ZNF257: variants seen among roughly 807,000 people sequenced by gnomAD.
ZNF257 encodes the protein bone marrow zinc finger 4.
Under a neutral mutation model 11.9 loss-of-function variants are expected in ZNF257, and 12 were observed. The ratio of observed to expected loss-of-function variants is 1.01; its 90% CI spans 0.65 to 1.63. The LOEUF (loss-of-function observed/expected upper bound fraction) is 1.63. ZNF257 is among the 40% of genes most tolerant of loss of function. The pLI is 0.00. For synonymous variants in ZNF257, 183 were observed against 222.7 expected (o/e 0.82, Z 1.59); for missense variants, 580 against 665.5 (o/e 0.87, Z 1.41).
intron 3 of ZNF257, among the ~76,000 whole-genome samples, chr19:22,085,097 G>A (rs1030084599): frequency 6.6e-6 from 1 of 151,800 alleles, no homozygotes; most frequent in Admixed American, 6.6e-5. Flanking sequence ...TCTGTTGCCA[G>A]GCTGGAGTTC....
Position 22,088,110 on chromosome 19 carries a change from G to T in ZNF257, c.360G>T (p.Val120=), listed in dbSNP as rs796494259. The change falls in exon 4 of 4, where the codon GTG becomes GTT. Residue 120 remains valine, a synonymous_variant. Coordinates refer to ENST00000594947, the MANE Select transcript of ZNF257 (RefSeq NM_033468.4). ...AATTAAGAAAGGGCTGTAAAAGTGT[G>T]GATGAGTGTAAGGTGTGCAAAGGAG... ...NLQLRKGCKS[V]DECKVCKGGY... 1.3e-6 allele frequency: 2 copies of T among 1,533,930 alleles called. No homozygotes were observed. The highest frequency in any genetic ancestry group is 2.4e-5 in the East Asian group (1 of 42,296).
intron 3 of ZNF257, among the ~76,000 whole-genome samples, chr19:22,086,996 TCCA>T (rs1179494125): frequency 6.6e-6 from 1 of 151,992 alleles, no homozygotes; most frequent in Non-Finnish European, 1.5e-5. Context: ...ATTATTTACC[TCCA>T]CAATTACTGT....
In ZNF257 at chr19:22,088,774, A is replaced by T. The variant is rs202088300; in HGVS notation, c.1024A>T (p.Lys342Ter). Residue 342 changes from lysine (K) to a stop codon, truncating the protein, a stop_gained, in exon 4 of 4, where the codon AAA becomes TAA. Transcript: ENST00000594947. LOFTEE classifies it low-confidence loss of function (END_TRUNC). ...ACATAAGATGATTCATACTGGAGAG[A>T]AACCCTTCCAATGTGAAGAGTGTGG... ...TRHKMIHTGEKPFQCEECGKA... is the reference protein window; with the variant it reads ...TRHKMIHTGE 12 of 1,612,744 alleles carry T rather than the reference A, an allele frequency of 7.4e-6. 1 individual carries two copies. The Admixed American group carries it at 2.0e-4, about 27-fold the overall frequency.
chr19:22,070,258 C>A (rs960892360), intron 1 of ZNF257, among the ~76,000 whole-genome samples: 3 of 152,008 alleles, frequency 2.0e-5, no homozygotes, highest in Admixed American at 1.3e-4. Flanking sequence ...AATATAAACA[C>A]AATAAAAATT....
intron 1 of ZNF257, among the ~76,000 whole-genome samples, chr19:22,066,742 A>G (rs1021679403): frequency 1.3e-5 from 2 of 152,160 alleles, no homozygotes; most frequent in African/African-American, 2.4e-5. Context: ...ACCATGTAGC[A>G]TATATGGAAG....
At chr19:22,052,715 A>C in intron 1 of ZNF257, 80 bp downstream of exon 1, 4 of 1,555,416 alleles carry the variant, frequency 2.6e-6, no homozygotes, top group Non-Finnish European at 1.8e-6. Flanking sequence ...GGCGGGACTC[A>C]GGCCTCCTTG....
chr19:22,059,481 T>C (rs1204125467), intron 1 of ZNF257, among the ~76,000 whole-genome samples: 2 of 152,042 alleles, frequency 1.3e-5, no homozygotes, highest in Non-Finnish European at 2.9e-5. Context: ...GGGACGGGGT[T>C]TCACCATGTT....
At chr19:22,080,170 G>GT (rs1319389968) in intron 3 of ZNF257, among the ~76,000 whole-genome samples, 49 of 152,034 alleles carry the variant, frequency 3.2e-4, no homozygotes, top group Admixed American at 6.6e-5. Flanking sequence ...TGTAGGAACA[G>GT]GGTCTCACTA....
intron 1 of ZNF257, 147 bp downstream of exon 1, chr19:22,052,782 C>A: frequency 1.1e-6 from 1 of 925,622 alleles, no homozygotes. Context: ...CCTCGGTCCC[C>A]CTCAGCCATA....
Position 22,088,652 on chromosome 19 carries a change from C to G in ZNF257, c.902C>G (p.Thr301Ser), listed in dbSNP as rs907699796. Residue 301 changes from threonine to serine, a missense_variant, in exon 4 of 4, where the codon ACT becomes AGT. Transcript: ENST00000594947. ...GCCTTTAAGTGGTCCTCAGCTCTTA[C>G]TACCCTTACTCAACATAAGAGAATT... ...CKAFKWSSAL[T>S]TLTQHKRIHT... 6.2e-7 allele frequency: 1 copy of G among 1,613,590 alleles called. No individual in the cohort carries two copies. Among genetic ancestry groups the G allele is most frequent in the Non-Finnish European group, 8.5e-7 (1 of 1,179,846 alleles).
At chr19:22,074,958 A>G (rs2022193244) in intron 3 of ZNF257, among the ~76,000 whole-genome samples, 1 of 152,212 alleles carries the variant, frequency 6.6e-6, no homozygotes, top group Non-Finnish European at 1.5e-5. Flanking sequence ...GACAAGGTGC[A>G]CAATATAATT....
At chr19:22,080,854 A>T (rs561346987) in intron 3 of ZNF257, among the ~76,000 whole-genome samples, 3 of 148,784 alleles carry the variant, frequency 2.0e-5, no homozygotes, top group Non-Finnish European at 3.0e-5. Context: ...TATTAAATAC[A>T]TTAATTATAT....
rs529678780 is a variant in ZNF257 at position 22,079,611 on chromosome 19, C to G, written c.226+6047C>G. Among the ~76,000 whole-genome samples the G allele has an allele frequency of 3.5e-4, 53 of 152,212 alleles. 1 individual carries two copies. Among genetic ancestry groups the G allele is most frequent in the South Asian group, 1.2e-3 (6 of 4,826 alleles). ...ATCTCCTGGAACTTATTCACTATCA[C>G]AAGAACAGCACAGGAAAGACCCACT... is the stretch of plus-strand genomic sequence containing the variant. On this transcript the variant is annotated intron_variant, in intron 3 of 3. Coordinates refer to ENST00000594947, the MANE Select transcript of ZNF257 (RefSeq NM_033468.4).
At chr19:22,077,083 A>G (rs1293985412) in intron 3 of ZNF257, among the ~76,000 whole-genome samples, 1 of 152,148 alleles carries the variant, frequency 6.6e-6, no homozygotes, top group Admixed American at 6.5e-5. Flanking sequence ...GGAGACCAAG[A>G]CAGAAGGATT....
At chr19:22,059,262 A>G (rs767443065) in intron 1 of ZNF257, among the ~76,000 whole-genome samples, 1 of 152,136 alleles carries the variant, frequency 6.6e-6, no homozygotes, top group Non-Finnish European at 1.5e-5. Context: ...TAAACTTTGC[A>G]CCAAACAGGT....
intron 1 of ZNF257, among the ~76,000 whole-genome samples, chr19:22,071,806 A>C (rs1483943549): frequency 6.6e-6 from 1 of 152,120 alleles, no homozygotes; most frequent in East Asian, 1.9e-4. Flanking sequence ...GGAAGAAGAA[A>C]GGGGTTCTTA....
chr19:22,069,930 A>C (rs1377770048), intron 1 of ZNF257, among the ~76,000 whole-genome samples: 1 of 152,134 alleles, frequency 6.6e-6, no homozygotes, highest in African/African-American at 2.4e-5. Flanking sequence ...CAAATTCTAC[A>C]TAGGCTCCAC....
chr19:22,074,477 A>C (rs1044634120), intron 3 of ZNF257: 1 of 151,906 alleles, frequency 6.6e-6, no homozygotes, highest in African/African-American at 2.4e-5. Flanking sequence ...TCAGCCTTTC[A>C]AGTAGCAGGG....
In ZNF257 at chr19:22,077,990, A is replaced by G. The variant is rs199641215; in HGVS notation, c.226+4426A>G. 1.3e-4 allele frequency among the ~76,000 whole-genome samples: 20 copies of G among 151,688 alleles called. No individual in the cohort carries two copies. In the East Asian group the frequency reaches 3.9e-3, roughly 30 times the overall value. On this transcript the variant is annotated intron_variant, in intron 3 of 3. Transcript: ENST00000594947. ...CACGGTGGCTCATGCTTGTAATCCT[A>G]GCACTTTGGGAGGCCAAGGTGGGCG...
Sources: gnomAD v4.1 joint callset for allele counts (sites outside exome capture counted in the v4.1 genomes callset) on GRCh38, gnomAD v4.1.1 for gene constraint, MANE v1.5 for transcripts, NCBI Gene and HGNC (gene_info 2026-07-23, HGNC 2026-07-21) for gene names.